Variants in CA10 observed in about 807,000 individuals in gnomAD.
The protein encoded by CA10 is carbonic anhydrase 10 (inactive), also known as carbonic anhydrase-related protein 10.
Under a neutral mutation model 44.2 loss-of-function variants are expected in CA10, and 14 were observed. That is an observed-to-expected ratio of 0.32 (90% CI 0.21 to 0.50). The LOEUF is 0.50. Among genes scored for constraint, CA10 ranks in the 20% least tolerant of loss-of-function variants. CA10 has a pLI of 0.99. For synonymous variants in CA10, 159 were observed against 141.6 expected (o/e 1.12, Z -0.87); for missense variants, 350 against 409.7 (o/e 0.85, Z 1.26).
chr17:52,120,422 TTATCCTTATCCTTATCC>T (rs1404588387), intron 1 of CA10, among the ~76,000 whole-genome samples: 13 of 50,812 alleles, frequency 2.6e-4, no homozygotes, highest in African/African-American at 2.5e-3. Context: ...AACCTTATCC[TTATCCTTATCCTTATCC>T]TTATCCTTAT....
At chr17:51,649,870 A>C (rs1913488092) in intron 5 of CA10, among the ~76,000 whole-genome samples, 1 of 112,638 alleles carries the variant, frequency 8.9e-6, no homozygotes, top group Non-Finnish European at 2.0e-5. Flanking sequence ...TAGAGGTATA[A>C]GGAAATGGAA....
intron 4 of CA10, among the ~76,000 whole-genome samples, chr17:51,685,231 G>C (rs535300278): frequency 6.6e-6 from 1 of 152,290 alleles, no homozygotes; most frequent in Admixed American, 6.5e-5. Context: ...GATTTTTGGA[G>C]GCTATGAATG....
chr17:52,058,139 G>A (rs1023914177), intron 2 of CA10, among the ~76,000 whole-genome samples: 14 of 152,032 alleles, frequency 9.2e-5, no homozygotes, highest in East Asian at 5.8e-4. Context: ...AGTACAATAC[G>A]CTGTAGTTGG....
rs10549926 is a variant in CA10, at chr17:51,942,538, T to TTATATATATATATATATATATATATA, written c.137-11407_137-11406insTATATATATATATATATATATATATA. Among the ~76,000 whole-genome samples the TTATATATATATATATATATATATATA allele has an allele frequency of 4.8e-4, 65 of 135,194 alleles. 4 individuals carry two copies. Among genetic ancestry groups the TTATATATATATATATATATATATATA allele is most frequent in the South Asian group, 4.0e-3 (14 of 3,514 alleles). 88.7% of individuals were successfully genotyped at this position (135,194 alleles called of 152,430 possible). A position where few individuals can be genotyped will look rare whatever the true frequency, so the allele number is the denominator to read the frequency against. ...AGCCAGGAAGGAAATCTTGCAGGCA[T>TTATATATATATATATATATATATATA]TATATATATATATATATCTGTCATC... On this transcript the variant is annotated intron_variant, in intron 2 of 8. Transcript: ENST00000451037.
At chr17:52,069,163 T>C (rs1189617911) in intron 2 of CA10, among the ~76,000 whole-genome samples, 1 of 152,232 alleles carries the variant, frequency 6.6e-6, no homozygotes, top group East Asian at 1.9e-4. Flanking sequence ...AATGTTAATC[T>C]GGTCTTAAAA....
At chr17:52,154,682 G>C (rs146016391) in intron 1 of CA10, among the ~76,000 whole-genome samples, 20 of 152,280 alleles carry the variant, frequency 1.3e-4, no homozygotes, top group African/African-American at 4.6e-4. Context: ...AGAAAAGTGA[G>C]ATCTGAGTTT....
chr17:51,951,953 T>C (rs1488416687), intron 2 of CA10, among the ~76,000 whole-genome samples: 2 of 152,180 alleles, frequency 1.3e-5, no homozygotes, highest in African/African-American at 2.4e-5. Flanking sequence ...TGGCTATATA[T>C]AGTGGCATGA....
chr17:52,049,874 T>G (rs1987010149), intron 2 of CA10, among the ~76,000 whole-genome samples: 1 of 152,094 alleles, frequency 6.6e-6, no homozygotes, highest in African/African-American at 2.4e-5. Context: ...TACCATATGT[T>G]TTACTGGCCC....
chr17:51,716,182 C>T (rs1019640512), intron 4 of CA10, among the ~76,000 whole-genome samples: 1 of 152,094 alleles, frequency 6.6e-6, no homozygotes. Context: ...TTCTTTTGCT[C>T]CCCACCTGGG....
chr17:51,654,558 A>ATTT (rs35152422), intron 4 of CA10, among the ~76,000 whole-genome samples: 1 of 145,234 alleles, frequency 6.9e-6, no homozygotes, highest in African/African-American at 2.6e-5. Flanking sequence ...TGGAAGCCTA[A>ATTT]TTTTTTTTTT....
chr17:51,865,358 A>G (rs534499624), intron 3 of CA10, among the ~76,000 whole-genome samples: 17 of 152,326 alleles, frequency 1.1e-4, no homozygotes, highest in South Asian at 1.0e-3. Flanking sequence ...GGTCTGGAAC[A>G]TGGTAGGTGT....
chr17:51,929,322 C>G (rs1331567590), intron 3 of CA10, among the ~76,000 whole-genome samples: 2 of 152,120 alleles, frequency 1.3e-5, no homozygotes, highest in African/African-American at 4.8e-5. Flanking sequence ...CATTTTCCAT[C>G]TCAATCCCAA....
At chr17:51,763,469 A>G (rs1047531830) in intron 3 of CA10, 2 of 152,226 alleles carry the variant, frequency 1.3e-5, no homozygotes, top group African/African-American at 4.8e-5. Flanking sequence ...CAGATGAATT[A>G]GAGACAATTA....
intron 3 of CA10, among the ~76,000 whole-genome samples, chr17:51,760,337 T>C (rs1329982403): frequency 6.6e-6 from 1 of 152,248 alleles, no homozygotes; most frequent in African/African-American, 2.4e-5. Context: ...CATGGTGTCC[T>C]TGCCCCTATA....
intron 1 of CA10, among the ~76,000 whole-genome samples, chr17:52,098,436 C>T (rs888535474): frequency 6.6e-6 from 1 of 152,142 alleles, no homozygotes; most frequent in Non-Finnish European, 1.5e-5. Context: ...AGGGTATTTG[C>T]AGCTTAAAAT....
At chr17:52,119,135 T>G (rs1988958766) in intron 1 of CA10, among the ~76,000 whole-genome samples, 1 of 152,240 alleles carries the variant, frequency 6.6e-6, no homozygotes, top group Non-Finnish European at 1.5e-5. Context: ...CTTTAATAAT[T>G]GAATAAAGTA....
At chr17:52,065,995 C>G (rs1987525880) in intron 2 of CA10, among the ~76,000 whole-genome samples, 1 of 152,188 alleles carries the variant, frequency 6.6e-6, no homozygotes, top group Non-Finnish European at 1.5e-5. Flanking sequence ...TCCTGCTGCC[C>G]TGTGAAGGTG....
chr17:51,720,629 T>C (rs1215285799), intron 4 of CA10, among the ~76,000 whole-genome samples: 1 of 152,240 alleles, frequency 6.6e-6, no homozygotes, highest in African/African-American at 2.4e-5. Context: ...TGGATGGAAC[T>C]GGAGGACATT....
chr17:51,754,474 A>C (rs1905019339), intron 3 of CA10, among the ~76,000 whole-genome samples: 1 of 138,578 alleles, frequency 7.2e-6, no homozygotes, highest in Non-Finnish European at 1.5e-5. Flanking sequence ...GATTTTAAGA[A>C]ATTGTCTCAT....
Sources: allele counts gnomAD v4.1 joint callset (sites outside exome capture counted in the v4.1 genomes callset), GRCh38; gene constraint gnomAD v4.1.1; transcripts MANE v1.5; gene names NCBI Gene and HGNC (gene_info 2026-07-23, HGNC 2026-07-21).